The following CFI variants were observed in gnomAD, a reference collection of about 807,000 sequenced individuals.
The protein encoded by CFI is complement factor I.
Under a neutral mutation model 78.8 loss-of-function variants are expected in CFI, and 66 were observed. The ratio of observed to expected loss-of-function variants is 0.84; its 90% CI spans 0.69 to 1.03. CFI has a LOEUF of 1.03. Among genes scored for constraint, CFI ranks in the 50% least tolerant of loss-of-function variants. CFI has a pLI of 0.00. For missense variants in CFI, 706 were observed against 704.5 expected (o/e 1.00, Z -0.02); for synonymous variants, 250 against 232.6 (o/e 1.07, Z -0.68).
chr4:109,766,236 C>T (rs1367365209), intron 2 of CFI, among the ~76,000 whole-genome samples: 2 of 152,152 alleles, frequency 1.3e-5, no homozygotes, highest in African/African-American at 4.8e-5. Context: ...TCTGAACCAA[C>T]TCAATGGCCC....
Position 109,778,081 on chromosome 4 carries a change from G to C in CFI, c.58-11257C>G, listed in dbSNP as rs1419521296. Reference sequence around the variant, plus strand: ...AATCACAATTAAAAGAACTAGAGAAGCAAGAGCAAACACATTCAAAAGCTA... The same window carrying C: ...AATCACAATTAAAAGAACTAGAGAACCAAGAGCAAACACATTCAAAAGCTA... On this transcript the variant is annotated intron_variant, in intron 1 of 12. Coordinates refer to ENST00000394634, the MANE Select transcript of CFI (RefSeq NM_000204.5). 2.6e-5 allele frequency among the ~76,000 whole-genome samples: 4 copies of C among 152,220 alleles called. No homozygotes were observed. The East Asian group carries it at 7.7e-4, about 29-fold the overall frequency.
intron 1 of CFI, among the ~76,000 whole-genome samples, chr4:109,777,249 C>A (rs138887365): frequency 6.6e-6 from 1 of 152,106 alleles, no homozygotes; most frequent in East Asian, 1.9e-4. Context: ...CAGAGACACA[C>A]ATAGGCTCAA....
intron 1 of CFI, among the ~76,000 whole-genome samples, chr4:109,767,931 A>C (rs7442601): frequency 0.61 from 92,378 of 151,874 alleles, 30,086 homozygotes; most frequent in Non-Finnish European, 0.74. Flanking sequence ...GCATATATAC[A>C]CCATGGAATA....
chr4:109,761,561 C>T lies in CFI; in HGVS notation c.614G>A (p.Gly205Asp), dbSNP rs753100505. 6.2e-7 allele frequency: 1 copy of T among 1,614,094 alleles called. No homozygotes were observed. Among genetic ancestry groups the T allele is most frequent in the Non-Finnish European group, 8.5e-7 (1 of 1,180,008 alleles). The change falls in exon 4 of 13, where the codon GGT (glycine) becomes GAT (aspartate). Residue 205 changes from glycine (G) to aspartate (D), a missense_variant. Transcript: ENST00000394634. ...ECTFTKRRTM[G>D]YQDFADVVCY... The stretch of plus-strand genomic sequence containing the variant: ...AACCACATCAGCGAAATCCTGGTAA[C>T]CCATAGTTCTTCTCTTAGTAAAAGT...
At chr4:109,731,281 T>C in the CFI span, among the ~76,000 whole-genome samples, 1 of 151,960 alleles carries the variant, frequency 6.6e-6, no homozygotes, top group Admixed American at 6.6e-5. Flanking sequence ...AGGAGGTGGA[T>C]GGATGTTGCA....
intron 1 of CFI, among the ~76,000 whole-genome samples, chr4:109,781,701 A>G (rs1422598368): frequency 6.6e-6 from 1 of 152,164 alleles, no homozygotes; most frequent in Non-Finnish European, 1.5e-5. Context: ...GAAAGGACAT[A>G]ACCAAAAAAG....
At position 109,766,613 on chromosome 4, in the gene CFI, C is replaced by T; in HGVS notation, c.269G>A (p.Ser90Asn). The change falls in exon 2 of 13, where the codon AGT becomes AAT. Residue 90 changes from serine (S) to asparagine (N), a missense_variant. By Grantham distance (46) the Ser-to-Asn change is conservative. Transcript: ENST00000394634. The stretch of plus-strand genomic sequence containing the variant: ...TGTCCCTGGATGAAGACATTCCAAA[C>T]TCTTTTGTTGACAGTATGTTGGGAA... The part of the protein sequence containing the change: ...RSFPTYCQQK[S>N]LECLHPGTKF... 1 of 1,614,184 alleles carries T rather than the reference C, an allele frequency of 6.2e-7. No homozygotes were observed. The highest frequency in any genetic ancestry group is 1.3e-5 in the African/African-American group (1 of 75,056).
intron 8 of CFI, among the ~76,000 whole-genome samples, chr4:109,750,439 T>G (rs774973220): frequency 6.6e-6 from 1 of 152,188 alleles, no homozygotes; most frequent in Non-Finnish European, 1.5e-5. Context: ...TTAATCATCC[T>G]ATTAACCCTG....
At chr4:109,785,224 A>G (rs1201117130) in intron 1 of CFI, among the ~76,000 whole-genome samples, 1 of 152,092 alleles carries the variant, frequency 6.6e-6, no homozygotes, top group Non-Finnish European at 1.5e-5. Flanking sequence ...GCTCACACAA[A>G]GCCTGTTTGG....
rs751300644 is a variant in CFI at position 109,746,361 on chromosome 4, G to T, written c.1290C>A (p.Ile430=). The T allele has an allele frequency of 6.2e-7, 1 of 1,613,970 alleles. No individual in the cohort carries two copies. The highest frequency in any genetic ancestry group is 8.5e-7 in the Non-Finnish European group (1 of 1,180,020). ...CGTCTTTTTTCATTTCAATCAAAGC[G>T]ATGTCATTTTGGTAAGTGCCTGCAT... The part of the protein sequence containing the change: ...NYNAGTYQND[I]ALIEMKKDGN... Residue 430 remains isoleucine, a synonymous_variant, in exon 11 of 13, where the codon ATC becomes ATA. Transcript: ENST00000394634.
chr4:109,793,071 T>C (rs767151622), intron 1 of CFI, among the ~76,000 whole-genome samples: 1 of 152,220 alleles, frequency 6.6e-6, no homozygotes, highest in Non-Finnish European at 1.5e-5. Flanking sequence ...TTGTGTTTAG[T>C]TGATTTTTTC....
chr4:109,746,398 T>C lies in CFI; in HGVS notation c.1253A>G (p.His418Arg), dbSNP rs121964912. 6.2e-7 allele frequency: 1 copy of C among 1,614,160 alleles called. No individual in the cohort carries two copies. The highest frequency in any genetic ancestry group is 1.3e-5 in the African/African-American group (1 of 75,052). ...GTAAGTGCCTGCATTGTAGTTTTCA[T>C]GGAAAATAATTCTATCCACGTATTC... ...VIEYVDRIIF[H>R]ENYNAGTYQN... Residue 418 changes from histidine to arginine, a missense_variant, in exon 11 of 13, where the codon CAT (histidine) becomes CGT (arginine). Coordinates refer to ENST00000394634, the MANE Select transcript of CFI (RefSeq NM_000204.5).
Position 109,761,638 on chromosome 4 carries a change from A to G in CFI, c.537T>C (p.Thr179=). 1.2e-6 allele frequency: 2 copies of G among 1,613,768 alleles called. No individual in the cohort carries two copies. Among genetic ancestry groups the G allele is most frequent in the Non-Finnish European group, 1.7e-6 (2 of 1,179,698 alleles). ...FKLSDLSINS[T]ECLHVHCRGL... is the part of the protein sequence containing the mutation. ...CTCGGCAATGCACATGTAGACATTC[A>G]GTGGAATTTATAGAGAGATCAGACA... is the stretch of plus-strand genomic sequence containing the variant. The change falls in exon 4 of 13, where the codon ACT becomes ACC. Residue 179 remains threonine, a synonymous_variant. Coordinates refer to ENST00000394634, the MANE Select transcript of CFI (RefSeq NM_000204.5).
At chr4:109,758,692 T>C (rs953396388) in intron 6 of CFI, among the ~76,000 whole-genome samples, 7 of 152,178 alleles carry the variant, frequency 4.6e-5, no homozygotes, top group Admixed American at 1.3e-4. Context: ...CACTTTGAAA[T>C]GGACACACCA....
At chr4:109,781,384 C>T (rs1730013061) in intron 1 of CFI, among the ~76,000 whole-genome samples, 1 of 152,132 alleles carries the variant, frequency 6.6e-6, no homozygotes. Context: ...CTATGAACAT[C>T]TTTACGCACA....
intron 5 of CFI, 44 bp from the exon 6 acceptor site, chr4:109,760,424 T>C: frequency 6.6e-7 from 1 of 1,517,630 alleles, no homozygotes; most frequent in South Asian, 1.1e-5. Flanking sequence ...TTCCTTAAAG[T>C]TGAATGAGGT....
rs146261138 is a variant in CFI, at chr4:109,766,663, T to A, written c.219A>T (p.Ala73=). 1 of 1,614,212 alleles carries A rather than the reference T, an allele frequency of 6.2e-7. No homozygotes were observed. The highest frequency in any genetic ancestry group is 1.7e-5 in the Admixed American group (1 of 60,026). ...LPYQCPKNGT[A]VCATNRRSFP... Reference sequence around the variant, plus strand: ...AGCTTCTCCTGTTAGTTGCACACACTGCAGTGCCATTCTTTGGGCACTGAT... The same window carrying A: ...AGCTTCTCCTGTTAGTTGCACACACAGCAGTGCCATTCTTTGGGCACTGAT... The change falls in exon 2 of 13, where the codon GCA becomes GCT. Residue 73 remains alanine (A), a synonymous_variant. Coordinates refer to ENST00000394634, the MANE Select transcript of CFI (RefSeq NM_000204.5).
chr4:109,783,811 T>TAATATA (rs750346105), intron 1 of CFI, among the ~76,000 whole-genome samples: 15 of 105,828 alleles, frequency 1.4e-4, no homozygotes, highest in African/African-American at 4.9e-4. Flanking sequence ...AAAGAAACTG[T>TAATATA]GATATATATA....
chr4:109,758,876 T>G (rs895345583), intron 6 of CFI, among the ~76,000 whole-genome samples: 1 of 152,214 alleles, frequency 6.6e-6, no homozygotes, highest in African/African-American at 2.4e-5. Flanking sequence ...GCAGATCACT[T>G]GAGGCCAAGA....
Sources: gnomAD v4.1 joint callset for allele counts (sites outside exome capture counted in the v4.1 genomes callset) on GRCh38, gnomAD v4.1.1 for gene constraint, MANE v1.5 for transcripts, NCBI Gene and HGNC (gene_info 2026-07-23, HGNC 2026-07-21) for gene names.